The following FRMD6 variants were observed in gnomAD, a reference collection of about 807,000 sequenced individuals.
The protein encoded by FRMD6 is FERM domain containing 6, also known as FERM domain-containing protein 6.
Under a neutral mutation model 73.2 loss-of-function variants are expected in FRMD6, and 37 were observed. The ratio of observed to expected loss-of-function variants is 0.51; its 90% CI spans 0.39 to 0.66. The LOEUF is 0.66. Ranked by LOEUF, FRMD6 falls within the 30% of genes least tolerant of loss-of-function variation. The pLI is 0.00. For missense variants in FRMD6, 714 were observed against 780.5 expected (o/e 0.91, Z 1.02); for synonymous variants, 273 against 282.2 (o/e 0.97, Z 0.33).
chr14:51,491,382 G>A (rs906056029), intron 1 of FRMD6: 1 of 152,212 alleles, frequency 6.6e-6, no homozygotes, highest in Non-Finnish European at 1.5e-5. Flanking sequence ...TCTGGAAAAT[G>A]TCTGAGTTTT....
chr14:51,675,271 T>C (rs1894307248), intron 1 of FRMD6, among the ~76,000 whole-genome samples: 1 of 152,068 alleles, frequency 6.6e-6, no homozygotes, highest in African/African-American at 2.4e-5. Flanking sequence ...GTTATGTTCC[T>C]GACAGCTACC....
intron 1 of FRMD6, among the ~76,000 whole-genome samples, chr14:51,549,514 A>C (rs1353581010): frequency 6.6e-6 from 1 of 151,204 alleles, no homozygotes; most frequent in Non-Finnish European, 1.5e-5. Flanking sequence ...CTGCTGCTGC[A>C]TTAGTGCCCT....
chr14:51,570,069 C>T (rs1277987652), intron 1 of FRMD6, among the ~76,000 whole-genome samples: 1 of 152,110 alleles, frequency 6.6e-6, no homozygotes, highest in Non-Finnish European at 1.5e-5. Flanking sequence ...CCCACCTTGG[C>T]CTCCCAAAGT....
At chr14:51,544,266 T>G (rs1886347852) in intron 1 of FRMD6, among the ~76,000 whole-genome samples, 1 of 152,084 alleles carries the variant, frequency 6.6e-6, no homozygotes. Context: ...TTTTAAAACT[T>G]AAGGATTTAT....
the FRMD6 span, among the ~76,000 whole-genome samples, chr14:51,440,044 A>G: frequency 1.3e-5 from 2 of 152,378 alleles, no homozygotes; most frequent in African/African-American, 4.8e-5. Flanking sequence ...AAATGTTAAA[A>G]CAAAGAATTC....
chr14:51,463,140 G>T, the FRMD6 span, among the ~76,000 whole-genome samples: 1 of 152,166 alleles, frequency 6.6e-6, no homozygotes. Flanking sequence ...AACTAGAAAA[G>T]AATATTTTGC....
At position 51,656,438 on chromosome 14, in the gene FRMD6, G is replaced by T. The variant is rs1892828889; in HGVS notation, c.-147+4442G>T. ...TTTTCTTTTTTTTTTTTCTGAGGCGGAGTCTCGCCCTGTCGCCCAGGCTGG... is the reference window on the plus strand; with the variant it reads ...TTTTCTTTTTTTTTTTTCTGAGGCGTAGTCTCGCCCTGTCGCCCAGGCTGG... On this transcript the variant is annotated intron_variant, in intron 1 of 13. Coordinates refer to ENST00000344768, the MANE Select transcript of FRMD6 (RefSeq NM_001267046.2). Among the ~76,000 whole-genome samples the T allele has an allele frequency of 1.3e-5, 2 of 150,996 alleles. 1 individual carries two copies. The highest frequency in any genetic ancestry group is 4.9e-5 in the African/African-American group (2 of 41,026).
At chr14:51,497,376 G>A (rs1883366338) in intron 1 of FRMD6, among the ~76,000 whole-genome samples, 1 of 151,524 alleles carries the variant, frequency 6.6e-6, no homozygotes, top group African/African-American at 2.4e-5. Flanking sequence ...TCTTCAATCT[G>A]ATACAACTCC....
intron 2 of FRMD6, among the ~76,000 whole-genome samples, chr14:51,624,237 G>A (rs1384553868): frequency 6.6e-6 from 1 of 152,054 alleles, no homozygotes; most frequent in Non-Finnish European, 1.5e-5. Context: ...TCTGCAAAAT[G>A]AACCCCCTTT....
the FRMD6 span, among the ~76,000 whole-genome samples, chr14:51,424,645 AC>A: frequency 6.6e-6 from 1 of 152,212 alleles, no homozygotes; most frequent in East Asian, 1.9e-4. Flanking sequence ...CCACAGCATC[AC>A]TGCAGCTAAA....
At chr14:51,619,276 C>A (rs1459355892) in intron 2 of FRMD6, among the ~76,000 whole-genome samples, 1 of 151,800 alleles carries the variant, frequency 6.6e-6, no homozygotes, top group Non-Finnish European at 1.5e-5. Flanking sequence ...TCAACAATTG[C>A]CCAATGGATA....
chr14:51,467,146 G>C, the FRMD6 span, among the ~76,000 whole-genome samples: 3 of 152,128 alleles, frequency 2.0e-5, no homozygotes, highest in Non-Finnish European at 4.4e-5. Context: ...CTGGGTACTT[G>C]AGATTAGGGA....
At chr14:51,706,024 C>T (rs1022770066) in intron 6 of FRMD6, among the ~76,000 whole-genome samples, 2 of 151,962 alleles carry the variant, frequency 1.3e-5, no homozygotes, top group Non-Finnish European at 2.9e-5. Flanking sequence ...ACCCATAGGC[C>T]GTTCAAACTC....
At chr14:51,641,439 C>A (rs577542728) in intron 2 of FRMD6, among the ~76,000 whole-genome samples, 21 of 152,102 alleles carry the variant, frequency 1.4e-4, no homozygotes, top group Admixed American at 5.2e-4. Context: ...GAAAGAGTCT[C>A]CTATTTACCT....
At chr14:51,514,878 C>G (rs1256940790) in intron 1 of FRMD6, among the ~76,000 whole-genome samples, 1 of 152,060 alleles carries the variant, frequency 6.6e-6, no homozygotes, top group Non-Finnish European at 1.5e-5. Flanking sequence ...ACTATGACGA[C>G]AAGAGGAGAA....
intron 2 of FRMD6, among the ~76,000 whole-genome samples, chr14:51,621,530 T>C (rs767162384): frequency 6.6e-5 from 10 of 152,170 alleles, no homozygotes; most frequent in African/African-American, 2.2e-4. Flanking sequence ...TTCCACCCTG[T>C]AGGTTGTTCG....
the FRMD6 span, chr14:51,436,427 TA>T: frequency 2.0e-6 from 1 of 508,526 alleles, no homozygotes. Context: ...TTGATGACAT[TA>T]AATCAAATTG....
chr14:51,457,415 G>A, the FRMD6 span, among the ~76,000 whole-genome samples: 8 of 152,280 alleles, frequency 5.3e-5, no homozygotes, highest in East Asian at 1.5e-3. Flanking sequence ...TGCTGTGGTT[G>A]ATGAAGCATT....
At chr14:51,494,164 C>A (rs1221631193) in intron 1 of FRMD6, among the ~76,000 whole-genome samples, 1 of 152,208 alleles carries the variant, frequency 6.6e-6, no homozygotes, top group Non-Finnish European at 1.5e-5. Context: ...AAAATACATT[C>A]ATTGCATCCC....
Sources: gnomAD v4.1 joint callset for allele counts (sites outside exome capture counted in the v4.1 genomes callset) on GRCh38, gnomAD v4.1.1 for gene constraint, MANE v1.5 for transcripts, NCBI Gene and HGNC (gene_info 2026-07-23, HGNC 2026-07-21) for gene names.